KIF26B: variants seen among roughly 807,000 people sequenced by gnomAD.
The protein encoded by KIF26B is kinesin family member 26B.
Under a neutral mutation model 151.2 loss-of-function variants are expected in KIF26B, and 63 were observed. That is an observed-to-expected ratio of 0.42 (90% confidence interval 0.34 to 0.51). The LOEUF (loss-of-function observed/expected upper bound fraction) is 0.51, where lower values mean the gene tolerates loss of function less well. KIF26B is among the 20% of genes least tolerant of loss of function. KIF26B has a pLI of 0.07. For missense variants in KIF26B, 2,813 were observed against 2,913.6 expected, an observed-to-expected ratio of 0.97 and a Z score of 0.79; for synonymous variants, 1,357 against 1,262.1, an observed-to-expected ratio of 1.08 and a Z score of -1.59.
chr1:245,450,383 A>G (rs902236196), intron 4 of KIF26B, among the ~76,000 whole-genome samples: 1 of 152,214 alleles, frequency 6.6e-6, no homozygotes, highest in Non-Finnish European at 1.5e-5. Flanking sequence ...GTGTTCTGAA[A>G]GGTGGAATGA....
intron 2 of KIF26B, among the ~76,000 whole-genome samples, chr1:245,366,192 C>T (rs1466436390): frequency 3.3e-5 from 5 of 152,280 alleles, no homozygotes; most frequent in Non-Finnish European, 5.9e-5. Flanking sequence ...GATTGAACAC[C>T]TTGGGAGAGC....
chr1:245,635,101 T>TG (rs1371382340), intron 9 of KIF26B, among the ~76,000 whole-genome samples: 1 of 151,084 alleles, frequency 6.6e-6, no homozygotes, highest in Non-Finnish European at 1.5e-5. Flanking sequence ...TTTTTGTGTT[T>TG]TTTTTTTTTT....
intron 3 of KIF26B, among the ~76,000 whole-genome samples, chr1:245,399,490 C>A (rs1483543982): frequency 6.6e-6 from 1 of 152,164 alleles, no homozygotes; most frequent in Non-Finnish European, 1.5e-5. Context: ...TGTTGTCAAT[C>A]CGACTTATTG....
chr1:245,677,409 G>A (rs2044370194), intron 10 of KIF26B, among the ~76,000 whole-genome samples: 1 of 152,248 alleles, frequency 6.6e-6, no homozygotes, highest in Admixed American at 6.5e-5. Context: ...CGAATGTTAT[G>A]CAGTCATCTT....
intron 6 of KIF26B, among the ~76,000 whole-genome samples, chr1:245,604,536 G>A (rs1328318789): frequency 2.0e-5 from 3 of 152,132 alleles, no homozygotes; most frequent in Non-Finnish European, 4.4e-5. Context: ...CCTGACGTTT[G>A]GTCTAACAAA....
rs917164228 is a variant in KIF26B at position 245,685,942 on chromosome 1, C to G, written c.2959C>G (p.Gln987Glu). The change falls in exon 12 of 15, where the codon CAG (glutamine) becomes GAG (glutamate). Residue 987 changes from glutamine (Q) to glutamate (E), a missense_variant. This residue lies in a region of KIF26B where 2,060 missense variants were observed against 2,088.6 expected (regional missense o/e 0.99). Transcript: ENST00000407071. ...TAAGGAAGATAATGGGTCCGAAGGTCAGCTGACCAACAGAGAAGGCCCTGA... is the reference window on the plus strand; with the variant it reads ...TAAGGAAGATAATGGGTCCGAAGGTGAGCTGACCAACAGAGAAGGCCCTGA... ...SDKEDNGSEG[Q>E]LTNREGPELP... 1.2e-6 allele frequency: 2 copies of G among 1,610,518 alleles called. No individual in the cohort carries two copies. Among genetic ancestry groups the G allele is most frequent in the Non-Finnish European group, 1.7e-6 (2 of 1,178,570 alleles).
intron 2 of KIF26B, among the ~76,000 whole-genome samples, chr1:245,243,441 T>TAC (rs762132705): frequency 2.3e-3 from 80 of 34,532 alleles, no homozygotes; most frequent in Middle Eastern, 0.019. Flanking sequence ...CATACATATA[T>TAC]ATATATACAC....
At chr1:245,424,356 C>A (rs1390452815) in intron 4 of KIF26B, among the ~76,000 whole-genome samples, 1 of 152,168 alleles carries the variant, frequency 6.6e-6, no homozygotes, top group Non-Finnish European at 1.5e-5. Flanking sequence ...TCATGTTGCC[C>A]AGGCTGGTCT....
At chr1:245,502,032 T>C (rs553311802) in intron 4 of KIF26B, among the ~76,000 whole-genome samples, 12 of 152,346 alleles carry the variant, frequency 7.9e-5, no homozygotes, top group African/African-American at 2.6e-4. Flanking sequence ...ACACCAGACC[T>C]GTAGTATAGG....
rs1478435938 is a variant in KIF26B at position 245,244,760 on chromosome 1, A to T, written c.465+88077A>T. Reference sequence around the variant, plus strand: ...GGAACACACAGACACGCACACTCACACACACACACACACACACACACACAC... The same window carrying T: ...GGAACACACAGACACGCACACTCACTCACACACACACACACACACACACAC... On this transcript the variant is annotated intron_variant, in intron 2 of 14. Coordinates refer to ENST00000407071, the MANE Select transcript of KIF26B (RefSeq NM_018012.4). This position sits in a 1 kb window ranked among gnomAD's most constrained non-coding sequence, Gnocchi z 4.2. Among the ~76,000 whole-genome samples, 1 of 139,258 alleles carries T rather than the reference A, an allele frequency of 7.2e-6. No individual in the cohort carries two copies. Among genetic ancestry groups the T allele is most frequent in the African/African-American group, 3.2e-5 (1 of 31,038 alleles). 91.4% of individuals were successfully genotyped at this position (139,258 alleles called of 152,430 possible).
chr1:245,504,273 C>T (rs767103266), intron 4 of KIF26B, among the ~76,000 whole-genome samples: 36 of 152,038 alleles, frequency 2.4e-4, no homozygotes, highest in Non-Finnish European at 3.8e-4. Context: ...CCTTCCATCC[C>T]AAACACTTTC....
At chr1:245,326,805 CT>C (rs1051279222) in intron 2 of KIF26B, among the ~76,000 whole-genome samples, 2 of 152,240 alleles carry the variant, frequency 1.3e-5, no homozygotes, top group African/African-American at 2.4e-5. Context: ...TTAGTTATAA[CT>C]GTGAAATATC....
intron 2 of KIF26B, among the ~76,000 whole-genome samples, chr1:245,165,857 T>C (rs570088434): frequency 1.3e-5 from 2 of 152,264 alleles, no homozygotes; most frequent in East Asian, 1.9e-4. Flanking sequence ...GATGTCTTTG[T>C]TGGAAGAATT....
rs143918796 is a variant in KIF26B at position 245,548,551 on chromosome 1, G to A, written c.1350+7601G>A. 3.0e-4 allele frequency among the ~76,000 whole-genome samples: 45 copies of A among 152,254 alleles called. 1 individual carries two copies. The South Asian group carries it at 5.6e-3, about 19-fold the overall frequency. Reference sequence around the variant, plus strand: ...ACATTCCTCACTGAGGAATTTTCTCGAAGACCTTCTTGTCCTGTCCTCTCA... The same window carrying A: ...ACATTCCTCACTGAGGAATTTTCTCAAAGACCTTCTTGTCCTGTCCTCTCA... On this transcript the variant is annotated intron_variant, in intron 5 of 14. Transcript: ENST00000407071.
chr1:245,300,353 T>C (rs964850204), intron 2 of KIF26B, among the ~76,000 whole-genome samples: 2 of 152,166 alleles, frequency 1.3e-5, no homozygotes, highest in Non-Finnish European at 2.9e-5. Flanking sequence ...TTCGTTCTAC[T>C]CTGGGGATTG....
In KIF26B at chr1:245,686,914, G is replaced by A; in HGVS notation, c.3931G>A (p.Ala1311Thr). The A allele has an allele frequency of 6.2e-7, 1 of 1,613,352 alleles. No individual in the cohort carries two copies. Among genetic ancestry groups the A allele is most frequent in the East Asian group, 2.2e-5 (1 of 44,872 alleles). Residue 1311 changes from alanine (A) to threonine (T), a missense_variant, in exon 12 of 15, where the codon GCA (alanine) becomes ACA (threonine). By Grantham distance (58) the Ala-to-Thr change is moderately conservative. Around this residue, in one of 3 missense-constraint regions of KIF26B, gnomAD observed 2,060 missense variants for 2,088.6 expected, o/e 0.99. Transcript: ENST00000407071. The surrounding 1 kb of genome is among the most constrained non-coding windows in gnomAD (Gnocchi z 5.6). ...GTGTTTTGGGCACGGGGAGGCAATG[G>A]CAGAACCTGTGGCCTCGGAGTTTGT... ...QTCFGHGEAM[A>T]EPVASEFVSS...
chr1:245,698,085 T>C lies in KIF26B; in HGVS notation c.5825-21T>C, dbSNP rs538282280. 2.5e-6 allele frequency: 4 copies of C among 1,602,546 alleles called. No individual in the cohort carries two copies. Among genetic ancestry groups the C allele is most frequent in the African/African-American group, 2.7e-5 (2 of 74,436 alleles). On this transcript the variant is annotated intron_variant, in intron 12 of 14. Transcript: ENST00000407071. The surrounding 1 kb of genome is among the most constrained non-coding windows in gnomAD (Gnocchi z 4.0). ...TTGAAATTCAGAAAGACTAACTCTC[T>C]GGGCTTATCCCCCTCCTCAGGTTCT...
intron 2 of KIF26B, among the ~76,000 whole-genome samples, chr1:245,253,801 T>G (rs12724429): frequency 2.1e-5 from 1 of 48,126 alleles, no homozygotes; most frequent in African/African-American, 1.4e-4. Context: ...GAAGTCCTGC[T>G]TTTTTTTTTT....
intron 2 of KIF26B, among the ~76,000 whole-genome samples, chr1:245,193,627 C>T (rs926756823): frequency 6.6e-6 from 1 of 152,170 alleles, no homozygotes; most frequent in Non-Finnish European, 1.5e-5. Context: ...ATATGTGTTA[C>T]ATCATTTAAT....
Sources: gnomAD v4.1 joint callset for allele counts (sites outside exome capture counted in the v4.1 genomes callset) on GRCh38, gnomAD v4.1.1 for gene constraint, gnomAD v4.1.1 regional missense constraint, Gnocchi (gnomAD v3.1) non-coding constraint, MANE v1.5 for transcripts, NCBI Gene and HGNC (gene_info 2026-07-23, HGNC 2026-07-21) for gene names.